The following PLAT variants were observed in gnomAD, a reference collection of about 807,000 sequenced individuals.
PLAT encodes the protein tissue-type plasminogen activator.
Under a neutral mutation model 74.9 loss-of-function variants are expected in PLAT, and 48 were observed. The observed-to-expected ratio is 0.64, with a 90% confidence interval of 0.51 to 0.82. PLAT has a LOEUF of 0.82. PLAT is among the 40% of genes least tolerant of loss of function. The pLI is 0.00. For missense variants in PLAT, 673 were observed against 736.2 expected (o/e 0.91, Z 0.99); for synonymous variants, 307 against 294.4 (o/e 1.04, Z -0.44).
At chr8:42,182,919 C>A in intron 7 of PLAT, 29 bp from the exon 8 acceptor site, 1 of 1,586,836 alleles carries the variant, frequency 6.3e-7, no homozygotes, top group Non-Finnish European at 8.6e-7. Context: ...CAAACTGAAA[C>A]AAAAACAAAT....
intron 7 of PLAT, among the ~76,000 whole-genome samples, chr8:42,183,634 G>A (rs1363918509): frequency 3.3e-5 from 5 of 152,110 alleles, no homozygotes; most frequent in Non-Finnish European, 7.4e-5. Flanking sequence ...GTGGAGTGCT[G>A]CCTGTTTTCA....
chr8:42,199,428 A>G (rs1806042820), intron 1 of PLAT, among the ~76,000 whole-genome samples: 1 of 152,204 alleles, frequency 6.6e-6, no homozygotes, highest in Non-Finnish European at 1.5e-5. Context: ...GCAACATAGC[A>G]AGACCCCATG....
At chr8:42,203,992 T>TATATATATATATACACACACACAC (rs1554499838) in intron 1 of PLAT, among the ~76,000 whole-genome samples, 2 of 109,894 alleles carry the variant, frequency 1.8e-5, no homozygotes, top group African/African-American at 1.0e-4. Context: ...TATATATATA[T>TATATATATATATACACACACACAC]ACACACACAC....
chr8:42,179,526 C>T (rs1428611941), intron 12 of PLAT, among the ~76,000 whole-genome samples: 7 of 152,168 alleles, frequency 4.6e-5, no homozygotes, highest in African/African-American at 1.7e-4. Context: ...GTTCTATCTC[C>T]ACTTTACCAA....
chr8:42,179,859 T>A, intron 12 of PLAT, 67 bp downstream of exon 12: 1 of 1,448,838 alleles, frequency 6.9e-7, no homozygotes, highest in Non-Finnish European at 9.2e-7. Context: ...CCCATTTTCC[T>A]CTGGTGGACC....
chr8:42,180,479 C>A lies in PLAT; in HGVS notation c.1085+11G>T, dbSNP rs199922180. ...AGGGTGGAAAAACCAACTGGGTTTC[C>A]GAGCCCCTACCTCTCCTGGAAGCAG... On this transcript the variant is annotated intron_variant, in intron 10 of 13. Coordinates refer to ENST00000220809, the MANE Select transcript of PLAT (RefSeq NM_000930.5). 1.2e-6 allele frequency: 2 copies of A among 1,613,868 alleles called. No homozygotes were observed. The highest frequency in any genetic ancestry group is 1.7e-6 in the Non-Finnish European group (2 of 1,180,004).
intron 7 of PLAT, among the ~76,000 whole-genome samples, chr8:42,183,932 A>G (rs1805347620): frequency 6.6e-6 from 1 of 151,944 alleles, no homozygotes; most frequent in African/African-American, 2.4e-5. Flanking sequence ...ATATACACAC[A>G]CCCACACACA....
intron 1 of PLAT, among the ~76,000 whole-genome samples, chr8:42,202,009 G>T (rs1057091454): frequency 3.9e-5 from 6 of 152,082 alleles, no homozygotes; most frequent in African/African-American, 1.4e-4. Context: ...AAGTTGACCA[G>T]TAGTCTCTCT....
intron 1 of PLAT, among the ~76,000 whole-genome samples, chr8:42,194,241 A>AGAGAGAGAGAGTGTGTGTGT (rs1419569830): frequency 7.2e-4 from 38 of 52,568 alleles, no homozygotes; most frequent in African/African-American, 2.6e-3. Context: ...AGAGAGAGAG[A>AGAGAGAGAGAGTGTGTGTGT]GTGTGTGTGT....
intron 1 of PLAT, among the ~76,000 whole-genome samples, chr8:42,203,992 T>TATACACACACACACACACAC (rs1554499838): frequency 9.1e-6 from 1 of 109,866 alleles, no homozygotes; most frequent in African/African-American, 5.2e-5. Flanking sequence ...TATATATATA[T>TATACACACACACACACACAC]ACACACACAC....
Position 42,187,902 on chromosome 8 carries a change from T to C in PLAT, c.364+4A>G. ...GCTCGTTTCACGTGCTCTCACCTAC[T>C]CACCTATTTCACAGCACTTCCCAGC... On this transcript the variant is annotated splice_donor_region_variant and intron_variant, in intron 5 of 13. Transcript: ENST00000220809. 1 of 1,557,500 alleles carries C rather than the reference T, an allele frequency of 6.4e-7. No homozygotes were observed. Among genetic ancestry groups the C allele is most frequent in the East Asian group, 2.2e-5 (1 of 44,620 alleles).
Position 42,194,050 on chromosome 8 carries a change from CTTT to C in PLAT, c.-26-842_-26-840del, listed in dbSNP as rs59850705. Among the ~76,000 whole-genome samples the C allele has an allele frequency of 2.6e-3, 217 of 84,922 alleles. 3 individuals carry two copies. Among genetic ancestry groups the C allele is most frequent in the African/African-American group, 0.01 (201 of 19,962 alleles). The allele number at this position is 84,922 out of a possible 152,430, so 55.7% of individuals were successfully genotyped here. A position where few individuals can be genotyped will look rare whatever the true frequency, so the allele number is the denominator to read the frequency against. On this transcript the variant is annotated intron_variant, in intron 1 of 13. Coordinates refer to ENST00000220809, the MANE Select transcript of PLAT (RefSeq NM_000930.5). ...CTTTTTCCTTTCTTCTTTCTTCTTT[CTTT>C]TTTTTTTTTTTTTTTTTGAGACTAG...
chr8:42,189,967 A>G (rs910094519), intron 3 of PLAT, among the ~76,000 whole-genome samples: 7 of 149,786 alleles, frequency 4.7e-5, no homozygotes, highest in Admixed American at 2.7e-4. Flanking sequence ...CTGGAGTCCA[A>G]TGGTGCTGTC....
chr8:42,177,095 T>C (rs1189114084), intron 13 of PLAT, among the ~76,000 whole-genome samples: 2 of 152,204 alleles, frequency 1.3e-5, no homozygotes. Flanking sequence ...TTCTCGTGCT[T>C]ATGGGCACGC....
chr8:42,189,902 TTTTTTCTTTTCTTTTC>T (rs1333413119), intron 3 of PLAT, among the ~76,000 whole-genome samples: 2 of 150,622 alleles, frequency 1.3e-5, no homozygotes, highest in Non-Finnish European at 2.9e-5. Flanking sequence ...CCCAGCCTAA[TTTTTTCTTTTCTTTTC>T]TTTTTCTTTT....
intron 1 of PLAT, among the ~76,000 whole-genome samples, chr8:42,194,241 A>AGAGAGAGAGAGAGT (rs1419569830): frequency 2.1e-3 from 111 of 52,568 alleles, no homozygotes; most frequent in African/African-American, 7.0e-3. Context: ...AGAGAGAGAG[A>AGAGAGAGAGAGAGT]GTGTGTGTGT....
At chr8:42,181,783 G>A (rs770010526) in intron 9 of PLAT, among the ~76,000 whole-genome samples, 154 bp downstream of exon 9, 1 of 37,048 alleles carries the variant, frequency 2.7e-5, no homozygotes, top group Non-Finnish European at 5.3e-5. Context: ...CCCACCCACC[G>A]TGGCTTCAGT....
chr8:42,188,202 C>T (rs911600791), intron 4 of PLAT, 186 bp from the exon 5 acceptor site: 5 of 527,912 alleles, frequency 9.5e-6, no homozygotes, highest in African/African-American at 3.9e-5. Context: ...AAAATCCATA[C>T]ATAAGTGGAC....
At chr8:42,202,564 A>G (rs921152416) in intron 1 of PLAT, among the ~76,000 whole-genome samples, 3 of 151,314 alleles carry the variant, frequency 2.0e-5, no homozygotes, top group Admixed American at 6.6e-5. Flanking sequence ...ATTCACAGAC[A>G]ATGATCTACC....
Sources: allele counts gnomAD v4.1 joint callset (sites outside exome capture counted in the v4.1 genomes callset), GRCh38; gene constraint gnomAD v4.1.1; transcripts MANE v1.5; gene names NCBI Gene and HGNC (gene_info 2026-07-23, HGNC 2026-07-21).